DNAAF9: variants seen among roughly 807,000 people sequenced by gnomAD.
The protein encoded by DNAAF9 is dynein axonemal assembly factor 9.
A neutral mutation model predicts 167.0 loss-of-function variants in DNAAF9; 90 were observed. The ratio of observed to expected loss-of-function variants is 0.54; its 90% CI spans 0.45 to 0.64. The LOEUF (loss-of-function observed/expected upper bound fraction) is 0.64, where lower values mean the gene tolerates loss of function less well. Ranked by LOEUF, DNAAF9 falls within the 30% of genes least tolerant of loss-of-function variation. The probability of loss-of-function intolerance (pLI) is 0.00; values close to 1 mark genes in which losing one functional copy is unlikely to be tolerated. For synonymous variants in DNAAF9, 491 were observed against 508.8 expected, an observed-to-expected ratio of 0.96 and a Z score of 0.47; for missense variants, 1,315 against 1,442.2, an observed-to-expected ratio of 0.91 and a Z score of 1.43.
Position 3,315,808 on chromosome 20 carries a change from T to C in DNAAF9, c.1540-23A>G, listed in dbSNP as rs2069491259. 1 of 1,600,524 alleles carries C rather than the reference T, an allele frequency of 6.2e-7. No individual in the cohort carries two copies. Among genetic ancestry groups the C allele is most frequent in the South Asian group, 1.1e-5 (1 of 90,812 alleles). On this transcript the variant is annotated intron_variant, in intron 18 of 36. Coordinates refer to ENST00000252032, the MANE Select transcript of DNAAF9 (RefSeq NM_001009984.3). This position sits in a 1 kb window ranked among gnomAD's most constrained non-coding sequence, Gnocchi z 4.1. ...CACCTGTGTCCAAAAGGAATGCAGA[T>C]TTTCAGTCAACTACTTCAAGGGAAA...
intron 22 of DNAAF9, among the ~76,000 whole-genome samples, chr20:3,297,298 G>A (rs2069098537): frequency 6.6e-6 from 1 of 152,146 alleles, no homozygotes; most frequent in Non-Finnish European, 1.5e-5. Flanking sequence ...AGGGATGGCT[G>A]AAGAGAACCT....
At chr20:3,324,797 T>G in intron 14 of DNAAF9, 95 bp downstream of exon 14, 1 of 712,804 alleles carries the variant, frequency 1.4e-6, no homozygotes, top group Non-Finnish European at 2.5e-6. Flanking sequence ...GAAACATTTC[T>G]CAAAGGGGAG....
At chr20:3,338,858 T>C (rs1309580058) in intron 10 of DNAAF9, among the ~76,000 whole-genome samples, 1 of 152,050 alleles carries the variant, frequency 6.6e-6, no homozygotes, top group Non-Finnish European at 1.5e-5. Context: ...TTCACTATAT[T>C]GGCCAGGCTG....
At chr20:3,309,557 G>A (rs913007123) in intron 20 of DNAAF9, among the ~76,000 whole-genome samples, 4 of 152,166 alleles carry the variant, frequency 2.6e-5, no homozygotes, top group African/African-American at 9.7e-5. Context: ...TAACAAAGCT[G>A]GCACTGCCGA....
rs147659381 is a variant in DNAAF9 at position 3,266,980 on chromosome 20, G to A, written c.2787-2456C>T. 4.8e-3 allele frequency among the ~76,000 whole-genome samples: 730 copies of A among 151,846 alleles called. 2 individuals are homozygous for A. The highest frequency in any genetic ancestry group is 6.8e-3 in the Middle Eastern group (2 of 292). On this transcript the variant is annotated intron_variant, in intron 30 of 36. Coordinates refer to ENST00000252032, the MANE Select transcript of DNAAF9 (RefSeq NM_001009984.3). ...CCATTCTCCTGCCTCAGCCTCCTGA[G>A]TAACTGGAATCACAGGCATGCACTA...
At chr20:3,348,163 C>G (rs549931543) in intron 8 of DNAAF9, among the ~76,000 whole-genome samples, 47 of 152,180 alleles carry the variant, frequency 3.1e-4, no homozygotes, top group African/African-American at 1.1e-3. Context: ...TAACTGCTGA[C>G]TAGCGTCATC....
intron 31 of DNAAF9, among the ~76,000 whole-genome samples, chr20:3,261,422 G>C (rs1456101706): frequency 6.6e-6 from 1 of 151,772 alleles, no homozygotes; most frequent in African/African-American, 2.4e-5. Flanking sequence ...AGGCTGGAGC[G>C]CAGTGGCACG....
At chr20:3,303,286 T>C (rs909064202) in intron 21 of DNAAF9, among the ~76,000 whole-genome samples, 28 of 152,148 alleles carry the variant, frequency 1.8e-4, no homozygotes, top group East Asian at 1.2e-3. Context: ...TGACAAACTT[T>C]TCCTTTAGAA....
At chr20:3,257,681 T>C (rs2068305373) in intron 33 of DNAAF9, among the ~76,000 whole-genome samples, 1 of 151,906 alleles carries the variant, frequency 6.6e-6, no homozygotes, top group South Asian at 2.1e-4. Flanking sequence ...GTAGCTGGGA[T>C]TAAAGGCATG....
At chr20:3,385,773 C>T (rs1392435500) in intron 1 of DNAAF9, among the ~76,000 whole-genome samples, 2 of 152,120 alleles carry the variant, frequency 1.3e-5, no homozygotes, top group African/African-American at 2.4e-5. Flanking sequence ...AAATTAAATA[C>T]CTAGTTATAA....
intron 10 of DNAAF9, among the ~76,000 whole-genome samples, chr20:3,335,574 T>A (rs565285829): frequency 4.0e-5 from 6 of 151,780 alleles, no homozygotes; most frequent in Admixed American, 6.6e-5. Context: ...CTGGCCAACA[T>A]AGTGAAACCC....
intron 1 of DNAAF9, among the ~76,000 whole-genome samples, chr20:3,395,616 C>T (rs1169394657): frequency 6.6e-6 from 1 of 152,096 alleles, no homozygotes; most frequent in Admixed American, 6.6e-5. Context: ...GTAAAATCAG[C>T]TTGTCAAGTT....
chr20:3,279,563 A>C (rs2068731409), intron 28 of DNAAF9, among the ~76,000 whole-genome samples: 1 of 152,328 alleles, frequency 6.6e-6, no homozygotes, highest in Admixed American at 6.5e-5. Context: ...AGAACTCCTA[A>C]AACATCATAA....
intron 1 of DNAAF9, among the ~76,000 whole-genome samples, chr20:3,402,989 T>G (rs77558149): frequency 0.043 from 6,580 of 152,272 alleles, 205 homozygotes; most frequent in African/African-American, 0.089. Context: ...TTTATTTTTT[T>G]ATCATTTCTT....
At chr20:3,317,513 G>A (rs2069526066) in intron 17 of DNAAF9, among the ~76,000 whole-genome samples, 1 of 152,002 alleles carries the variant, frequency 6.6e-6, no homozygotes, top group Admixed American at 6.6e-5. Flanking sequence ...CCATTCTTTA[G>A]AATATTTTCA....
At chr20:3,283,713 T>C (rs2068801005) in intron 27 of DNAAF9, among the ~76,000 whole-genome samples, 1 of 152,204 alleles carries the variant, frequency 6.6e-6, no homozygotes, top group Non-Finnish European at 1.5e-5. Flanking sequence ...TTACAGTTAA[T>C]GTGAAACATG....
intron 1 of DNAAF9, 89 bp downstream of exon 1, chr20:3,407,386 G>A (rs944782632): frequency 9.2e-7 from 1 of 1,088,312 alleles, no homozygotes; most frequent in Non-Finnish European, 1.2e-6. Context: ...AGCCATGTCG[G>A]ACCACGCCCT....
intron 1 of DNAAF9, among the ~76,000 whole-genome samples, chr20:3,395,710 T>G (rs1420986590): frequency 6.6e-6 from 1 of 152,176 alleles, no homozygotes; most frequent in Non-Finnish European, 1.5e-5. Flanking sequence ...AACATGATTA[T>G]GTCTCTCCTT....
intron 26 of DNAAF9, among the ~76,000 whole-genome samples, chr20:3,288,759 G>A (rs2068897747): frequency 6.6e-6 from 1 of 152,194 alleles, no homozygotes; most frequent in Admixed American, 6.5e-5. Context: ...CAGCCAGGTG[G>A]AAGTGAAGGA....
Sources: gnomAD v4.1 joint callset for allele counts (sites outside exome capture counted in the v4.1 genomes callset) on GRCh38, gnomAD v4.1.1 for gene constraint, Gnocchi (gnomAD v3.1) non-coding constraint, MANE v1.5 for transcripts, NCBI Gene and HGNC (gene_info 2026-07-23, HGNC 2026-07-21) for gene names.